Variants in SEPTIN14 observed in about 807,000 individuals in gnomAD.
SEPTIN14 encodes the protein septin 14.
In SEPTIN14, 40 loss-of-function variants were observed where a neutral mutation model predicts 53.6. The ratio of observed to expected loss-of-function variants is 0.75; its 90% CI spans 0.58 to 0.97. The LOEUF is 0.97. SEPTIN14 is among the 50% of genes least tolerant of loss of function. SEPTIN14 has a pLI of 0.00. For missense variants in SEPTIN14, 471 were observed against 508.2 expected (o/e 0.93, Z 0.70); for synonymous variants, 138 against 166.8 (o/e 0.83, Z 1.33).
chr7:55,842,900 T>A (rs778587873), intron 5 of SEPTIN14, 42 bp downstream of exon 5: 2 of 1,310,316 alleles, frequency 1.5e-6, no homozygotes, highest in Admixed American at 3.0e-5. Context: ...AGAGGGAGAC[T>A]CCGTCTCAAA....
At chr7:55,825,398 G>A (rs1170468164) in intron 6 of SEPTIN14, among the ~76,000 whole-genome samples, 1 of 152,182 alleles carries the variant, frequency 6.6e-6, no homozygotes, top group Non-Finnish European at 1.5e-5. Context: ...GTGAAACTAT[G>A]GTGAATGTTA....
chr7:55,805,303 C>A lies in SEPTIN14; in HGVS notation c.1074G>T (p.Gln358His), dbSNP rs749294988. The part of the protein sequence containing the change: ...EEEELKQRFM[Q>H]RVKEKEATFK... ...ATGTTGCTTCTTTCTCCTTGACTCG[C>A]TGCATAAATCTCTGTTTCAACTCTT... Residue 358 changes from glutamine to histidine, a missense_variant, in exon 9 of 10, where the codon CAG becomes CAT. Coordinates refer to ENST00000388975, the MANE Select transcript of SEPTIN14 (RefSeq NM_207366.3). 42 of 1,611,998 alleles carry A rather than the reference C, an allele frequency of 2.6e-5. No homozygotes were observed. In the South Asian group the frequency reaches 2.7e-4, roughly 11 times the overall value.
intron 2 of SEPTIN14, among the ~76,000 whole-genome samples, chr7:55,853,125 A>T (rs1235102784): frequency 6.6e-6 from 1 of 152,140 alleles, no homozygotes; most frequent in African/African-American, 2.4e-5. Context: ...GTATGGAGGT[A>T]CCTCAAAAAA....
chr7:55,795,783 A>T lies in SEPTIN14; in HGVS notation c.*130T>A. The T allele has an allele frequency of 1.4e-6, 1 of 726,590 alleles. No homozygotes were observed. The highest frequency in any genetic ancestry group is 2.3e-6 in the Non-Finnish European group (1 of 433,596). The allele number at this position is 726,590 out of a possible 1,614,324, so 45.0% of individuals were successfully genotyped here. On this transcript the variant is annotated 3_prime_UTR_variant, in exon 10 of 10. Coordinates refer to ENST00000388975, the MANE Select transcript of SEPTIN14 (RefSeq NM_207366.3). ...ACACCCCGCTAGGAGTTCACACTTT[A>T]GTTGGGGAAAATATACAATAAGCAA...
At chr7:55,800,453 A>C (rs1395169088) in intron 9 of SEPTIN14, among the ~76,000 whole-genome samples, 1 of 152,074 alleles carries the variant, frequency 6.6e-6, no homozygotes, top group Non-Finnish European at 1.5e-5. Context: ...GTAAAACTCC[A>C]TCTCTACTAA....
chr7:55,820,937 T>C (rs1238492557), intron 6 of SEPTIN14, among the ~76,000 whole-genome samples: 4 of 152,012 alleles, frequency 2.6e-5, no homozygotes, highest in African/African-American at 9.7e-5. Context: ...TGAGACTCTG[T>C]CTCAAAAGAA....
chr7:55,825,650 A>T (rs1227461849), intron 6 of SEPTIN14, among the ~76,000 whole-genome samples: 1 of 152,202 alleles, frequency 6.6e-6, no homozygotes, highest in Non-Finnish European at 1.5e-5. Flanking sequence ...TACTAAAAAA[A>T]CATAAAAGTA....
At chr7:55,834,147 C>A (rs1789161620) in intron 6 of SEPTIN14, among the ~76,000 whole-genome samples, 1 of 152,070 alleles carries the variant, frequency 6.6e-6, no homozygotes, top group Non-Finnish European at 1.5e-5. Flanking sequence ...TCCTCAAATT[C>A]TTTGAAAAAA....
chr7:55,807,292 C>A, intron 7 of SEPTIN14, 34 bp from the exon 8 acceptor site: 1 of 1,377,434 alleles, frequency 7.3e-7, no homozygotes, highest in South Asian at 1.3e-5. Flanking sequence ...CAACAACATT[C>A]AGTATCAATC....
rs367879303 is a variant in SEPTIN14, at chr7:55,851,913, C to A, written c.55-5276G>T. 2.0e-4 allele frequency among the ~76,000 whole-genome samples: 31 copies of A among 151,520 alleles called. No individual in the cohort carries two copies. In the East Asian group the frequency reaches 4.1e-3, roughly 20 times the overall value. ...ATCCCAGCACTTTGGGAGGCTGAGG[C>A]GGGTGGATCATGAGGTCAGGAGATC... On this transcript the variant is annotated intron_variant, in intron 2 of 9. Transcript: ENST00000388975.
At chr7:55,845,741 G>A (rs949787362) in intron 3 of SEPTIN14, among the ~76,000 whole-genome samples, 2 of 151,806 alleles carry the variant, frequency 1.3e-5, no homozygotes, top group Non-Finnish European at 2.9e-5. Flanking sequence ...TTCAAAGACT[G>A]GGATGGCCTT....
At chr7:55,802,757 C>T in intron 9 of SEPTIN14, among the ~76,000 whole-genome samples, 1 of 149,942 alleles carries the variant, frequency 6.7e-6, no homozygotes, top group East Asian at 2.0e-4. Context: ...AAAATTATAT[C>T]AAACTAAAAA....
At chr7:55,830,388 C>A (rs545434136) in intron 6 of SEPTIN14, among the ~76,000 whole-genome samples, 2 of 121,162 alleles carry the variant, frequency 1.7e-5, no homozygotes, top group Non-Finnish European at 3.3e-5. Context: ...GCTCTGTCTA[C>A]CAGGCTGGAG....
chr7:55,843,614 A>T (rs1236932609), intron 4 of SEPTIN14, among the ~76,000 whole-genome samples: 1 of 152,210 alleles, frequency 6.6e-6, no homozygotes, highest in Non-Finnish European at 1.5e-5. Context: ...TGGGTGGATC[A>T]CGAGGTCAGG....
chr7:55,833,753 G>T (rs1789154841), intron 6 of SEPTIN14, among the ~76,000 whole-genome samples: 1 of 142,380 alleles, frequency 7.0e-6, no homozygotes, highest in Admixed American at 7.0e-5. Flanking sequence ...GCTAAGAGTT[G>T]ATTTGGGGAA....
At chr7:55,852,258 G>A (rs1476760862) in intron 2 of SEPTIN14, among the ~76,000 whole-genome samples, 1 of 152,090 alleles carries the variant, frequency 6.6e-6, no homozygotes, top group African/African-American at 2.4e-5. Flanking sequence ...TGGGTACACT[G>A]AAGGAATCAC....
chr7:55,820,768 C>T (rs1454468389), intron 6 of SEPTIN14, among the ~76,000 whole-genome samples: 3 of 151,932 alleles, frequency 2.0e-5, no homozygotes, highest in East Asian at 3.9e-4. Context: ...GGTAAAACCC[C>T]GTCTCTACTA....
chr7:55,820,821 T>C (rs1376779517), intron 6 of SEPTIN14, among the ~76,000 whole-genome samples: 1 of 151,978 alleles, frequency 6.6e-6, no homozygotes, highest in Non-Finnish European at 1.5e-5. Flanking sequence ...GCACATGTAA[T>C]CCCAGCTACT....
At chr7:55,796,151 A>T (rs2115940639) in intron 9 of SEPTIN14, 59 bp from the exon 10 acceptor site, 1 of 1,092,484 alleles carries the variant, frequency 9.2e-7, no homozygotes, top group African/African-American at 1.6e-5. Context: ...CACCCAAAAG[A>T]ATATGCTTTT....
Sources: allele counts gnomAD v4.1 joint callset (sites outside exome capture counted in the v4.1 genomes callset), GRCh38; gene constraint gnomAD v4.1.1; transcripts MANE v1.5; gene names NCBI Gene and HGNC (gene_info 2026-07-23, HGNC 2026-07-21).